The following ARPP21 variants were observed in gnomAD, a reference collection of about 807,000 sequenced individuals.
ARPP21 encodes the protein cAMP-regulated phosphoprotein 21.
In ARPP21, 69 loss-of-function variants were observed where a neutral mutation model predicts 113.2. The observed-to-expected ratio is 0.61, with a 90% confidence interval of 0.50 to 0.74. The LOEUF (loss-of-function observed/expected upper bound fraction) is 0.74. ARPP21 is among the 30% of genes least tolerant of loss of function. The probability of loss-of-function intolerance (pLI) is 0.00; values close to 1 mark genes in which losing one functional copy is unlikely to be tolerated. For missense variants in ARPP21, 1,070 were observed against 1,037.4 expected, an observed-to-expected ratio of 1.03 and a Z score of -0.43; for synonymous variants, 368 against 375.5, an observed-to-expected ratio of 0.98 and a Z score of 0.23.
intron 9 of ARPP21, among the ~76,000 whole-genome samples, chr3:35,701,969 T>C (rs970451098): frequency 2.0e-5 from 3 of 151,786 alleles, no homozygotes; most frequent in Non-Finnish European, 4.4e-5. Context: ...ATATGTTAAA[T>C]ATCTATTATC....
chr3:35,754,200 G>T (rs2095499153), intron 19 of ARPP21, among the ~76,000 whole-genome samples: 1 of 151,816 alleles, frequency 6.6e-6, no homozygotes, highest in Admixed American at 6.6e-5. Flanking sequence ...TCTTTAAAAA[G>T]ATGTATTTTC....
intron 1 of ARPP21, among the ~76,000 whole-genome samples, chr3:35,650,657 A>G (rs1398041634): frequency 2.6e-5 from 4 of 152,130 alleles, no homozygotes; most frequent in Non-Finnish European, 5.9e-5. Context: ...TGGAGAGGAA[A>G]GTTCTGTTGG....
intron 1 of ARPP21, among the ~76,000 whole-genome samples, chr3:35,664,944 A>G (rs1285129734): frequency 6.6e-6 from 1 of 152,248 alleles, no homozygotes; most frequent in East Asian, 1.9e-4. Context: ...CCCACCTGCT[A>G]TTTTGTGTGT....
At position 35,720,569 on chromosome 3, in the gene ARPP21, A is replaced by G. The variant is rs370292014; in HGVS notation, c.996-1036A>G. Among the ~76,000 whole-genome samples, 27 of 152,328 alleles carry G rather than the reference A, an allele frequency of 1.8e-4. No individual in the cohort carries two copies. The East Asian group carries it at 5.0e-3, about 28-fold the overall frequency. Reference sequence around the variant, plus strand: ...GAGTTAGGTGTTATATTTACTGACCAAGATTTATATTCCCTTTACTTATTT... The same window carrying G: ...GAGTTAGGTGTTATATTTACTGACCGAGATTTATATTCCCTTTACTTATTT... On this transcript the variant is annotated intron_variant, in intron 13 of 20. Transcript: ENST00000684406.
intron 1 of ARPP21, among the ~76,000 whole-genome samples, chr3:35,672,596 T>A (rs1404846709): frequency 6.6e-6 from 1 of 152,032 alleles, no homozygotes; most frequent in African/African-American, 2.4e-5. Flanking sequence ...TCCTACTATG[T>A]GCCAGGCACT....
In ARPP21 at chr3:35,699,114, A is replaced by C. The variant is rs143320692; in HGVS notation, c.687-7860A>C. 9.5e-3 allele frequency among the ~76,000 whole-genome samples: 1,438 copies of C among 151,736 alleles called. 49 individuals carry two copies. The highest frequency in any genetic ancestry group is 0.062 in the Admixed American group (947 of 15,184). ...TGTGTGTGTATGTGTGTGAATACAT[A>C]GTATGTAACTACAGGAGTGTCTGTG... On this transcript the variant is annotated intron_variant, in intron 9 of 20. Transcript: ENST00000684406.
At chr3:35,663,586 G>C (rs1708807758) in intron 1 of ARPP21, among the ~76,000 whole-genome samples, 1 of 152,220 alleles carries the variant, frequency 6.6e-6, no homozygotes, top group Non-Finnish European at 1.5e-5. Context: ...AGCCTCCCGT[G>C]TTGATCGGAG....
At position 35,737,340 on chromosome 3, in the gene ARPP21, T is replaced by C. The variant is rs754863846; in HGVS notation, c.1622T>C (p.Met541Thr). The C allele has an allele frequency of 6.2e-7, 1 of 1,610,722 alleles. No homozygotes were observed. Among genetic ancestry groups the C allele is most frequent in the South Asian group, 1.1e-5 (1 of 90,384 alleles). Residue 541 changes from methionine to threonine, a missense_variant, in exon 16 of 21, where the codon ATG (methionine) becomes ACG (threonine). Physicochemically the swap from Met to Thr is moderately conservative, Grantham distance 81. Coordinates refer to ENST00000684406, the MANE Select transcript of ARPP21 (RefSeq NM_001385562.1). ...QQQVQPPQPQ[M>T]AGPLVTQSVQ... ...CAGGTCCAGCCACCGCAGCCACAGA[T>C]GGCAGGCCCTCTGGTCACTCAGGTA...
chr3:35,661,824 G>A (rs954737981), intron 1 of ARPP21, among the ~76,000 whole-genome samples: 1 of 152,082 alleles, frequency 6.6e-6, no homozygotes, highest in Non-Finnish European at 1.5e-5. Context: ...GTGTATAAAG[G>A]AGACAGTGAC....
At chr3:35,728,119 A>T (rs1228860074) in intron 14 of ARPP21, among the ~76,000 whole-genome samples, 1 of 149,836 alleles carries the variant, frequency 6.7e-6, no homozygotes, top group Non-Finnish European at 1.5e-5. Flanking sequence ...TGTAAAATTC[A>T]ATGCAGTACC....
chr3:35,723,151 G>A (rs1291963818), intron 14 of ARPP21, among the ~76,000 whole-genome samples: 1 of 152,054 alleles, frequency 6.6e-6, no homozygotes, highest in Non-Finnish European at 1.5e-5. Flanking sequence ...GATGAAGAAT[G>A]GAGAACCCCA....
intron 18 of ARPP21, among the ~76,000 whole-genome samples, chr3:35,740,800 A>G (rs2094607145): frequency 6.6e-6 from 1 of 152,170 alleles, no homozygotes; most frequent in African/African-American, 2.4e-5. Context: ...ATAAATAAAT[A>G]AATAAATGAA....
At chr3:35,766,031 G>T (rs2151410478) in intron 19 of ARPP21, among the ~76,000 whole-genome samples, 1 of 152,238 alleles carries the variant, frequency 6.6e-6, no homozygotes, top group Non-Finnish European at 1.5e-5. Flanking sequence ...GCCTGTACAA[G>T]AAATGAGCAC....
intron 20 of ARPP21, among the ~76,000 whole-genome samples, chr3:35,793,467 T>C (rs2096787431): frequency 6.6e-6 from 1 of 152,194 alleles, no homozygotes; most frequent in Non-Finnish European, 1.5e-5. Flanking sequence ...ACACCATCCC[T>C]TCAATCCTTT....
chr3:35,640,967 G>A (rs1177179236), intron 1 of ARPP21: 2 of 152,308 alleles, frequency 1.3e-5, no homozygotes, highest in Non-Finnish European at 2.9e-5. Context: ...CTCATTCAAT[G>A]TTTATGCATA....
rs150298577 is a variant in ARPP21 at position 35,739,483 on chromosome 3, G to A, written c.1916G>A (p.Gly639Glu). 3 of 1,613,960 alleles carry A rather than the reference G, an allele frequency of 1.9e-6. No individual in the cohort carries two copies. The African/African-American group carries it at 4.0e-5, about 22-fold the overall frequency. The change falls in exon 18 of 21, where the codon GGA (glycine) becomes GAA (glutamate). Residue 639 changes from glycine (G) to glutamate (E), a missense_variant. Coordinates refer to ENST00000684406, the MANE Select transcript of ARPP21 (RefSeq NM_001385562.1). ...TCTACAGGCCAGCAGCTTCCTACAG[G>A]AGGATTCTCAGGCTCTGGCCCTCCC... ...IASTGQQLPT[G>E]GFSGSGPPIS...
chr3:35,696,233 A>C (rs971556689), intron 9 of ARPP21, among the ~76,000 whole-genome samples: 2 of 151,602 alleles, frequency 1.3e-5, no homozygotes, highest in Non-Finnish European at 3.0e-5. Flanking sequence ...TCACCAAGGC[A>C]TGGGGCTGGA....
intron 11 of ARPP21, 108 bp downstream of exon 11, chr3:35,709,178 A>G: frequency 1.3e-6 from 1 of 747,000 alleles, no homozygotes; most frequent in Non-Finnish European, 2.2e-6. Context: ...CTGGAGCCAG[A>G]GAACAAATCA....
chr3:35,764,022 A>G (rs751866820), intron 19 of ARPP21, among the ~76,000 whole-genome samples: 2 of 152,072 alleles, frequency 1.3e-5, no homozygotes, highest in Admixed American at 1.3e-4. Flanking sequence ...ACAACCATAC[A>G]AAAGAAATAT....
Sources: allele counts gnomAD v4.1 joint callset (sites outside exome capture counted in the v4.1 genomes callset), GRCh38; gene constraint gnomAD v4.1.1; transcripts MANE v1.5; gene names NCBI Gene and HGNC (gene_info 2026-07-23, HGNC 2026-07-21).